TTC38: variants seen among roughly 807,000 people sequenced by gnomAD.
TTC38 encodes tetratricopeptide repeat protein 38.
Under a neutral mutation model 64.2 loss-of-function variants are expected in TTC38, and 64 were observed. The ratio of observed to expected loss-of-function variants is 1.00; its 90% CI spans 0.81 to 1.23. The LOEUF is 1.23. Among genes scored for constraint, TTC38 ranks in the 50% most tolerant of loss-of-function variants. TTC38 has a pLI of 0.00. For synonymous variants in TTC38, 254 were observed against 249.3 expected, an observed-to-expected ratio of 1.02 and a Z score of -0.18; for missense variants, 573 against 615.5, an observed-to-expected ratio of 0.93 and a Z score of 0.73.
At chr22:46,288,710 C>A in intron 11 of TTC38, 122 bp downstream of exon 11, 1 of 999,092 alleles carries the variant, frequency 1.0e-6, no homozygotes, top group South Asian at 1.6e-5. Flanking sequence ...AGGGGGGATG[C>A]CCATGGAGGC....
At chr22:46,285,037 C>T (rs1345847806) in intron 8 of TTC38, among the ~76,000 whole-genome samples, 1 of 152,096 alleles carries the variant, frequency 6.6e-6, no homozygotes, top group Admixed American at 6.5e-5. Flanking sequence ...GCTTTCTACA[C>T]TGGGGAACCA....
At chr22:46,278,833 G>A (rs1306103644) in intron 6 of TTC38, among the ~76,000 whole-genome samples, 172 bp downstream of exon 6, 2 of 152,214 alleles carry the variant, frequency 1.3e-5, no homozygotes, top group Non-Finnish European at 2.9e-5. Context: ...GCCCGCCAGG[G>A]GCTGTCATTC....
Position 46,289,260 on chromosome 22 carries a change from G to T in TTC38, c.1083-142G>T, listed in dbSNP as rs183940058. 152 of 1,090,374 alleles carry T rather than the reference G, an allele frequency of 1.4e-4. 1 individual carries two copies. The highest frequency in any genetic ancestry group is 1.2e-4 in the Admixed American group (5 of 40,142). 67.5% of individuals were successfully genotyped at this position (1,090,374 alleles called of 1,614,324 possible). A position where few individuals can be genotyped will look rare whatever the true frequency, so the allele number is the denominator to read the frequency against. On this transcript the variant is annotated intron_variant, in intron 11 of 13. Coordinates refer to ENST00000381031, the MANE Select transcript of TTC38 (RefSeq NM_017931.4). ...CCCTGTCCTGTCCCCTCGATGGGCT[G>T]CCCCGCCTGTCACCTCACCTCATCA...
Position 46,284,706 on chromosome 22 carries a change from C to T in TTC38, c.796-535C>T, listed in dbSNP as rs140459302. 2.0e-3 allele frequency among the ~76,000 whole-genome samples: 298 copies of T among 151,806 alleles called. 1 individual carries two copies. Among genetic ancestry groups the T allele is most frequent in the African/African-American group, 7.1e-3 (292 of 41,370 alleles). On this transcript the variant is annotated intron_variant, in intron 8 of 13. Coordinates refer to ENST00000381031, the MANE Select transcript of TTC38 (RefSeq NM_017931.4). ...GCAGCCTGGGCAACATGGTAAAACC[C>T]CATCTCTACTAAAAATACAAAAATT...
chr22:46,275,316 T>G lies in TTC38; in HGVS notation c.434T>G (p.Leu145Arg). 12 of 1,614,154 alleles carry G rather than the reference T, an allele frequency of 7.4e-6. No homozygotes were observed. The highest frequency in any genetic ancestry group is 1.0e-5 in the Non-Finnish European group (12 of 1,180,012). ...GACCACCCGACAGACATGTTGGCCC[T>G]GAAATTTTCCCATGATGCTTATTTT... ...LQDHPTDMLALKFSHDAYFYL... is the reference protein window; with the variant it reads ...LQDHPTDMLARKFSHDAYFYL... Residue 145 changes from leucine (L) to arginine (R), a missense_variant, in exon 5 of 14, where the codon CTG becomes CGG. Coordinates refer to ENST00000381031, the MANE Select transcript of TTC38 (RefSeq NM_017931.4). The surrounding 1 kb of genome is among the most constrained non-coding windows in gnomAD (Gnocchi z 4.5).
rs1042024782 is a variant in TTC38, at chr22:46,291,419, G to A, written c.1317-1372G>A. On this transcript the variant is annotated intron_variant, in intron 13 of 13. Coordinates refer to ENST00000381031, the MANE Select transcript of TTC38 (RefSeq NM_017931.4). The surrounding 1 kb of genome is among the most constrained non-coding windows in gnomAD (Gnocchi z 4.6). The stretch of plus-strand genomic sequence containing the variant: ...GGGAGAGCAGGCTGCACAGGGAGCC[G>A]ACTGCATTAGGAGACGTGGAGGGGG... Among the ~76,000 whole-genome samples the A allele has an allele frequency of 2.6e-5, 4 of 152,096 alleles. No homozygotes were observed. The highest frequency in any genetic ancestry group is 2.1e-4 in the South Asian group (1 of 4,818).
rs1269664058 is a variant in TTC38 at position 46,281,018 on chromosome 22, G to C, written c.616-581G>C. Reference sequence around the variant, plus strand: ...TGCCTGCCTCGCTGGTCGCTGTCAAGCTCACAGGTCATGGGAGCGGCTGTT... The same window carrying C: ...TGCCTGCCTCGCTGGTCGCTGTCAACCTCACAGGTCATGGGAGCGGCTGTT... On this transcript the variant is annotated intron_variant, in intron 6 of 13. Transcript: ENST00000381031. The surrounding 1 kb of genome is among the most constrained non-coding windows in gnomAD (Gnocchi z 5.2). 6.6e-6 allele frequency among the ~76,000 whole-genome samples: 1 copy of C among 152,208 alleles called. No individual in the cohort carries two copies. Among genetic ancestry groups the C allele is most frequent in the African/African-American group, 2.4e-5 (1 of 41,456 alleles).
intron 2 of TTC38, among the ~76,000 whole-genome samples, chr22:46,269,815 C>T (rs1006645283): frequency 1.9e-4 from 29 of 152,148 alleles, no homozygotes; most frequent in Non-Finnish European, 2.5e-4. Context: ...TTGTTTGAGA[C>T]GGAGTCTTGC....
intron 9 of TTC38, among the ~76,000 whole-genome samples, chr22:46,286,834 C>G (rs1351119830): frequency 6.6e-6 from 1 of 152,184 alleles, no homozygotes; most frequent in Non-Finnish European, 1.5e-5. Flanking sequence ...TGGCCTGGGC[C>G]CTGGGTATGC....
intron 6 of TTC38, among the ~76,000 whole-genome samples, chr22:46,279,544 G>A (rs2077518230): frequency 6.6e-6 from 1 of 152,208 alleles, no homozygotes; most frequent in Non-Finnish European, 1.5e-5. Flanking sequence ...CCTGCTCCAG[G>A]CCCTGCCTCC....
Position 46,271,579 on chromosome 22 carries a change from T to C in TTC38, c.112-756T>C, listed in dbSNP as rs547233480. Among the ~76,000 whole-genome samples, 340 of 152,216 alleles carry C rather than the reference T, an allele frequency of 2.2e-3. 1 individual carries two copies. The highest frequency in any genetic ancestry group is 7.8e-3 in the African/African-American group (325 of 41,538). On this transcript the variant is annotated intron_variant, in intron 2 of 13. Coordinates refer to ENST00000381031, the MANE Select transcript of TTC38 (RefSeq NM_017931.4). The surrounding 1 kb of genome is among the most constrained non-coding windows in gnomAD (Gnocchi z 5.5). ...GGCACGATCTCAGCTCACTGCAACCTCTACCTCCCAGGTTCAGGCGATTCT... is the reference window on the plus strand; with the variant it reads ...GGCACGATCTCAGCTCACTGCAACCCCTACCTCCCAGGTTCAGGCGATTCT...
At chr22:46,269,097 C>CA (rs1491062353) in intron 2 of TTC38, 2 of 421,966 alleles carry the variant, frequency 4.7e-6, no homozygotes, top group African/African-American at 2.3e-5. Flanking sequence ...TGCCCCCCCC[C>CA]CACAGCGTCC....
In TTC38 at chr22:46,285,392, C is replaced by G. The variant is rs569139705; in HGVS notation, c.834+113C>G. 29 of 1,051,090 alleles carry G rather than the reference C, an allele frequency of 2.8e-5. No homozygotes were observed. The South Asian group carries it at 3.5e-4, about 13-fold the overall frequency. 65.1% of individuals were successfully genotyped at this position (1,051,090 alleles called of 1,614,324 possible). ...GTCCCAGCCAGAAAAACAGCTGGAG[C>G]AAGAACACATTTCTTGTGTAAGGCC... On this transcript the variant is annotated intron_variant, in intron 9 of 13. Transcript: ENST00000381031.
chr22:46,289,246 C>T (rs993467971), intron 11 of TTC38, among the ~76,000 whole-genome samples, 156 bp from the exon 12 acceptor site: 1 of 152,190 alleles, frequency 6.6e-6, no homozygotes, highest in African/African-American at 2.4e-5. Context: ...CCTGTCCTGT[C>T]CCCTCGATGG....
At chr22:46,277,038 TATATACATACACACACAC>T (rs1204958875) in intron 5 of TTC38, among the ~76,000 whole-genome samples, 9 of 101,548 alleles carry the variant, frequency 8.9e-5, no homozygotes, top group African/African-American at 3.9e-4. Context: ...ACAATACATA[TATATACATACACACACAC>T]ACACACACAC....
At chr22:46,268,484 G>C in intron 1 of TTC38, 30 bp from the exon 2 acceptor site, 1 of 1,612,006 alleles carries the variant, frequency 6.2e-7, no homozygotes, top group Non-Finnish European at 8.5e-7. Context: ...TGGAGAGAAG[G>C]CACTGCTATT....
Position 46,270,213 on chromosome 22 carries a change from T to C in TTC38, c.111+1622T>C, listed in dbSNP as rs1466030552. Among the ~76,000 whole-genome samples, 2 of 152,208 alleles carry C rather than the reference T, an allele frequency of 1.3e-5. No individual in the cohort carries two copies. Among genetic ancestry groups the C allele is most frequent in the Admixed American group, 6.5e-5 (1 of 15,290 alleles). On this transcript the variant is annotated intron_variant, in intron 2 of 13. Transcript: ENST00000381031. The surrounding 1 kb of genome is among the most constrained non-coding windows in gnomAD (Gnocchi z 4.7). The stretch of plus-strand genomic sequence containing the variant: ...CTGTCCTGTGTTAGAACTTGGCTTC[T>C]TTAAATCTCTGTGCCAACCCTCCTG...
chr22:46,292,209 G>A lies in TTC38; in HGVS notation c.1317-582G>A. ...AATTTTTTTATATTTTTAGAGGCAA[G>A]GTCTCACTCGGTCATCCAGGTTGGA... On this transcript the variant is annotated intron_variant, in intron 13 of 13. Coordinates refer to ENST00000381031, the MANE Select transcript of TTC38 (RefSeq NM_017931.4). This position sits in a 1 kb window ranked among gnomAD's most constrained non-coding sequence, Gnocchi z 6.5. 2.2e-6 allele frequency: 1 copy of A among 445,312 alleles called. No individual in the cohort carries two copies. Among genetic ancestry groups the A allele is most frequent in the Non-Finnish European group, 4.5e-6 (1 of 224,040 alleles). The allele number at this position is 445,312 out of a possible 1,614,324, so 27.6% of individuals were successfully genotyped here. A position where few individuals can be genotyped will look rare whatever the true frequency, so the allele number is the denominator to read the frequency against.
At position 46,289,917 on chromosome 22, in the gene TTC38, G is replaced by A. The variant is rs1231663077; in HGVS notation, c.1316+18G>A. The A allele has an allele frequency of 1.9e-6, 3 of 1,611,786 alleles. No homozygotes were observed. The African/African-American group carries it at 4.0e-5, about 22-fold the overall frequency. Reference sequence around the variant, plus strand: ...GTAGCCCGGTGAGCTCCTGGCCCCTGCCCAGCACTCCCGACCTTCACAGGC... The same window carrying A: ...GTAGCCCGGTGAGCTCCTGGCCCCTACCCAGCACTCCCGACCTTCACAGGC... On this transcript the variant is annotated intron_variant, in intron 13 of 13. Transcript: ENST00000381031.
Sources: gnomAD v4.1 joint callset for allele counts (sites outside exome capture counted in the v4.1 genomes callset) on GRCh38, gnomAD v4.1.1 for gene constraint, Gnocchi (gnomAD v3.1) non-coding constraint, MANE v1.5 for transcripts, NCBI Gene and HGNC (gene_info 2026-07-23, HGNC 2026-07-21) for gene names.